The following FAM124A variants were observed in gnomAD, a reference collection of about 807,000 sequenced individuals.
FAM124A encodes the protein protein FAM124A.
FAM124A carries 23 observed loss-of-function variants against 24.5 expected under a neutral mutation model. The ratio of observed to expected loss-of-function variants is 0.94; its 90% confidence interval spans 0.68 to 1.33. FAM124A has a LOEUF of 1.33. Among genes scored for constraint, FAM124A ranks in the 40% most tolerant of loss-of-function variants. The pLI is 0.00. For missense variants in FAM124A, 623 were observed against 722.8 expected (o/e 0.86, Z 1.58); for synonymous variants, 287 against 314.7 (o/e 0.91, Z 0.93).
At chr13:51,276,133 C>CTTGCCAAGGAGTGAGTT (rs1954884385) in intron 3 of FAM124A, among the ~76,000 whole-genome samples, 1 of 152,154 alleles carries the variant, frequency 6.6e-6, no homozygotes, top group Non-Finnish European at 1.5e-5. Context: ...TCTTGTAGAG[C>CTTGCCAAGGAGTGAGTT]TTGCCAAGGA....
chr13:51,270,380 C>T (rs1056014512), intron 3 of FAM124A, among the ~76,000 whole-genome samples: 34 of 152,108 alleles, frequency 2.2e-4, no homozygotes, highest in African/African-American at 8.0e-4. Context: ...CCTTTTGTTT[C>T]TGCATTTGTG....
intron 2 of FAM124A, among the ~76,000 whole-genome samples, chr13:51,243,991 TG>T (rs1566164773): frequency 6.6e-6 from 1 of 152,182 alleles, no homozygotes; most frequent in Non-Finnish European, 1.5e-5. Flanking sequence ...GTGCCGTTGA[TG>T]GGGGCTTTAG....
chr13:51,277,516 C>T (rs1954895765), intron 3 of FAM124A, among the ~76,000 whole-genome samples: 1 of 152,202 alleles, frequency 6.6e-6, no homozygotes, highest in African/African-American at 2.4e-5. Flanking sequence ...AAGAATTGGC[C>T]GGGCATGGTG....
rs1593616855 is a variant in FAM124A, at chr13:51,282,606, C to T, written c.*1350C>T. The T allele has an allele frequency of 6.6e-6, 1 of 152,316 alleles. No homozygotes were observed. The highest frequency in any genetic ancestry group is 1.9e-4 in the East Asian group (1 of 5,188). 9.4% of individuals were successfully genotyped at this position (152,316 alleles called of 1,614,324 possible). On this transcript the variant is annotated 3_prime_UTR_variant, in exon 4 of 4. Transcript: ENST00000322475. ...CAGCATGGGTTTGCCAAGCTCAATT[C>T]CCAGGCTGGTGCTCCTTGAATTAAT...
At position 51,258,092 on chromosome 13, in the gene FAM124A, T is replaced by C. The variant is rs985613791; in HGVS notation, c.834+5891T>C. Among the ~76,000 whole-genome samples, 2 of 152,218 alleles carry C rather than the reference T, an allele frequency of 1.3e-5. No individual in the cohort carries two copies. Among genetic ancestry groups the C allele is most frequent in the Admixed American group, 6.5e-5 (1 of 15,288 alleles). On this transcript the variant is annotated intron_variant, in intron 3 of 3. Transcript: ENST00000322475. This position sits in a 1 kb window ranked among gnomAD's most constrained non-coding sequence, Gnocchi z 4.2. ...GGCCTTCTTGGCCTTCCTTGGTGTG[T>C]GGAAGCACCAGCTTGGTCTCTGTTT...
intron 2 of FAM124A, among the ~76,000 whole-genome samples, chr13:51,248,689 G>T (rs1382328533): frequency 6.6e-6 from 1 of 152,186 alleles, no homozygotes; most frequent in Non-Finnish European, 1.5e-5. Flanking sequence ...AGGGAGGCAA[G>T]CCAAAACACA....
chr13:51,249,484 G>C (rs1954597665), intron 2 of FAM124A, among the ~76,000 whole-genome samples: 2 of 152,212 alleles, frequency 1.3e-5, no homozygotes, highest in African/African-American at 4.8e-5. Flanking sequence ...GCCTCTTGTA[G>C]AGTGAAGGGC....
chr13:51,251,488 G>C lies in FAM124A; in HGVS notation c.121G>C (p.Ala41Pro). 1 of 1,507,496 alleles carries C rather than the reference G, an allele frequency of 6.6e-7. No homozygotes were observed. Among genetic ancestry groups the C allele is most frequent in the Non-Finnish European group, 8.9e-7 (1 of 1,127,448 alleles). 93.4% of individuals were successfully genotyped at this position (1,507,496 alleles called of 1,614,324 possible). ...STSSELSVEE[A>P]QDPFLVSIHI... ...CCCAGGTGAGCTTTCCGTTGAAGAGGCGCAGGACCCTTTCCTGGTCAGCAT... is the reference window on the plus strand; with the variant it reads ...CCCAGGTGAGCTTTCCGTTGAAGAGCCGCAGGACCCTTTCCTGGTCAGCAT... The change falls in exon 3 of 4, where the codon GCG (alanine) becomes CCG (proline). Residue 41 changes from alanine (A) to proline (P), a missense_variant. Ala to Pro is a conservative substitution (Grantham distance 27). Transcript: ENST00000322475. This position sits in a 1 kb window ranked among gnomAD's most constrained non-coding sequence, Gnocchi z 5.3.
At chr13:51,230,075 TTA>T (rs5803560) in intron 1 of FAM124A, among the ~76,000 whole-genome samples, 13 of 150,950 alleles carry the variant, frequency 8.6e-5, no homozygotes, top group South Asian at 2.1e-4. Context: ...AAATATTGAA[TTA>T]TATATATATA....
intron 2 of FAM124A, among the ~76,000 whole-genome samples, chr13:51,241,741 C>CA (rs35118963): frequency 3.7e-4 from 56 of 149,474 alleles, no homozygotes; most frequent in East Asian, 1.2e-3. Flanking sequence ...AATTTTAGGC[C>CA]AAAAAAAAAA....
At chr13:51,238,777 T>G (rs1464957847) in intron 2 of FAM124A, among the ~76,000 whole-genome samples, 3 of 152,182 alleles carry the variant, frequency 2.0e-5, no homozygotes, top group Non-Finnish European at 4.4e-5. Flanking sequence ...CAGAGTCCTC[T>G]GAATGGGGGC....
intron 1 of FAM124A, among the ~76,000 whole-genome samples, chr13:51,228,577 C>T (rs972783671): frequency 4.3e-4 from 65 of 152,272 alleles, no homozygotes; most frequent in African/African-American, 1.3e-3. Flanking sequence ...AAACAGAAAT[C>T]TCAAGGCAGC....
intron 3 of FAM124A, among the ~76,000 whole-genome samples, chr13:51,269,934 A>G (rs1333496169): frequency 1.3e-5 from 2 of 152,196 alleles, no homozygotes; most frequent in Admixed American, 6.5e-5. Context: ...CCCAGCCAGG[A>G]CGACTTTACG....
chr13:51,247,781 C>T (rs9535626), intron 2 of FAM124A, among the ~76,000 whole-genome samples: 70,647 of 152,074 alleles, frequency 0.46, 17,869 homozygotes, highest in Non-Finnish European at 0.57. Context: ...AAGTGAAATC[C>T]ATTTAGATGA....
chr13:51,257,258 C>A (rs908806470), intron 3 of FAM124A, among the ~76,000 whole-genome samples: 12 of 152,198 alleles, frequency 7.9e-5, no homozygotes, highest in Non-Finnish European at 1.6e-4. Flanking sequence ...AAAGGAACCA[C>A]CACACTGTTC....
intron 3 of FAM124A, among the ~76,000 whole-genome samples, chr13:51,269,152 C>T (rs555560304): frequency 6.5e-4 from 99 of 152,302 alleles, no homozygotes; most frequent in African/African-American, 2.2e-3. Context: ...GAATTGCTGT[C>T]TGTGTGCAAC....
Position 51,251,806 on chromosome 13 carries a change from A to C in FAM124A, c.439A>C (p.Ser147Arg), listed in dbSNP as rs749734714. 2 of 1,597,790 alleles carry C rather than the reference A, an allele frequency of 1.3e-6. No homozygotes were observed. The highest frequency in any genetic ancestry group is 1.7e-6 in the Non-Finnish European group (2 of 1,172,410). The change falls in exon 3 of 4, where the codon AGC becomes CGC. Residue 147 changes from serine to arginine, a missense_variant. Physicochemically the swap from Ser to Arg is moderately radical, Grantham distance 110 (BLOSUM62 -1). Coordinates refer to ENST00000322475, the MANE Select transcript of FAM124A (RefSeq NM_001242312.2). The surrounding 1 kb of genome is among the most constrained non-coding windows in gnomAD (Gnocchi z 5.3). The stretch of plus-strand genomic sequence containing the variant: ...CCGGTTCCTGCCCTACCTGCCCTGC[A>C]GCCAGGACTTCTTCACGCTGGCCCC... The part of the protein sequence containing the change: ...HGRFLPYLPC[S>R]QDFFTLAPGT...
chr13:51,237,974 A>T (rs1247586955), intron 2 of FAM124A, among the ~76,000 whole-genome samples: 1 of 152,120 alleles, frequency 6.6e-6, no homozygotes, highest in African/African-American at 2.4e-5. Context: ...GGGCTTTGGG[A>T]TACTTGTCAG....
Position 51,222,564 on chromosome 13 carries a change from C to G in FAM124A, c.63C>G (p.Thr21=). The change falls in exon 1 of 4, where the codon ACC becomes ACG. Residue 21 remains threonine, a synonymous_variant. Transcript: ENST00000322475. Reference sequence around the variant, plus strand: ...ACTGCGTGGACTCGGGCGCCGAGACCGGAGGGTGAGCCGCGCCGGGCCGGG... The same window carrying G: ...ACTGCGTGGACTCGGGCGCCGAGACGGGAGGGTGAGCCGCGCCGGGCCGGG... ...EDDCVDSGAE[T]GGSDYSHLSS... The G allele has an allele frequency of 8.2e-7, 1 of 1,225,948 alleles. No homozygotes were observed. Among genetic ancestry groups the G allele is most frequent in the South Asian group, 4.0e-5 (1 of 24,780 alleles). 75.9% of individuals were successfully genotyped at this position (1,225,948 alleles called of 1,614,324 possible).
Sources: gnomAD v4.1 joint callset for allele counts (sites outside exome capture counted in the v4.1 genomes callset) on GRCh38, gnomAD v4.1.1 for gene constraint, Gnocchi (gnomAD v3.1) non-coding constraint, MANE v1.5 for transcripts, NCBI Gene and HGNC (gene_info 2026-07-23, HGNC 2026-07-21) for gene names.